The following NR6A1 variants were observed in gnomAD, a reference collection of about 807,000 sequenced individuals.
The protein encoded by NR6A1 is nuclear receptor subfamily 6 group A member 1, also known as retinoic acid receptor-related testis-associated receptor.
NR6A1 carries 7 observed loss-of-function variants against 59.1 expected under a neutral mutation model. The observed-to-expected ratio is 0.12, with a 90% CI of 0.07 to 0.22. NR6A1 has a LOEUF of 0.22. Among genes scored for constraint, NR6A1 ranks in the 10% least tolerant of loss-of-function variants. The pLI is 1.00. For missense variants in NR6A1, 468 were observed against 611.6 expected (o/e 0.77, Z 2.48); for synonymous variants, 243 against 236.1 (o/e 1.03, Z -0.27).
intron 2 of NR6A1, among the ~76,000 whole-genome samples, chr9:124,613,740 T>G (rs939278895): frequency 1.3e-5 from 2 of 152,206 alleles, no homozygotes; most frequent in African/African-American, 4.8e-5. Flanking sequence ...GGATGGCTAA[T>G]AAATCTGTAT....
rs1386108574 is a variant in NR6A1 at position 124,519,371 on chromosome 9, A to G, written c.*3334T>C. 1 of 152,202 alleles carries G rather than the reference A, an allele frequency of 6.6e-6. No individual in the cohort carries two copies. The highest frequency in any genetic ancestry group is 1.5e-5 in the Non-Finnish European group (1 of 68,040). The allele number at this position is 152,202 out of a possible 1,614,324, so 9.4% of individuals were successfully genotyped here. Reference sequence around the variant, plus strand: ...AGCCAGGTTGAGCGCTTTGAGACAGATTCTGGGGAATTTCTCCAGATTAAC... The same window carrying G: ...AGCCAGGTTGAGCGCTTTGAGACAGGTTCTGGGGAATTTCTCCAGATTAAC... On this transcript the variant is annotated 3_prime_UTR_variant, in exon 10 of 10. Coordinates refer to ENST00000487099, the MANE Select transcript of NR6A1 (RefSeq NM_033334.4).
chr9:124,731,107 C>A (rs529632534), intron 2 of NR6A1, among the ~76,000 whole-genome samples: 43 of 152,162 alleles, frequency 2.8e-4, no homozygotes, highest in African/African-American at 1.0e-3. Flanking sequence ...TGCAGTGGTT[C>A]ACGCCTGTAA....
chr9:124,637,534 G>A (rs369152446), intron 2 of NR6A1, among the ~76,000 whole-genome samples: 280 of 152,250 alleles, frequency 1.8e-3, no homozygotes, highest in African/African-American at 5.9e-3. Flanking sequence ...AAAGACTCAA[G>A]AGAGGTTAGG....
intron 2 of NR6A1, among the ~76,000 whole-genome samples, chr9:124,611,591 G>GA (rs1301317722): frequency 1.3e-5 from 2 of 151,510 alleles, no homozygotes; most frequent in Admixed American, 6.6e-5. Context: ...AAAATTAAAA[G>GA]AAAAAAAATC....
intron 2 of NR6A1, among the ~76,000 whole-genome samples, chr9:124,679,901 A>AG (rs1455176045): frequency 1.6e-4 from 24 of 149,584 alleles, no homozygotes; most frequent in Non-Finnish European, 2.7e-4. Flanking sequence ...CATCTCAAAG[A>AG]GAAAAAAAAA....
At position 124,590,436 on chromosome 9, in the gene NR6A1, A is replaced by G. The variant is rs114293837; in HGVS notation, c.143-35866T>C. ...CCACTGCTAGCTCATCTTCTCCCCC[A>G]GTCACTCTCAAAAGCTCCACTTTTT... On this transcript the variant is annotated intron_variant, in intron 2 of 9. Transcript: ENST00000487099. 4.8e-3 allele frequency among the ~76,000 whole-genome samples: 737 copies of G among 152,256 alleles called. 2 individuals carry two copies. Among genetic ancestry groups the G allele is most frequent in the Middle Eastern group, 0.027 (8 of 294 alleles).
chr9:124,759,544 AGCAAAAG>A (rs752408744), intron 1 of NR6A1, among the ~76,000 whole-genome samples: 1 of 152,222 alleles, frequency 6.6e-6, no homozygotes, highest in Non-Finnish European at 1.5e-5. Flanking sequence ...CTCTGAGATA[AGCAAAAG>A]GCTCATATTC....
intron 2 of NR6A1, among the ~76,000 whole-genome samples, chr9:124,668,898 A>G (rs1273660703): frequency 6.6e-6 from 1 of 152,190 alleles, no homozygotes; most frequent in East Asian, 1.9e-4. Context: ...CTACCCAAAT[A>G]TAATACAGTT....
intron 1 of NR6A1, among the ~76,000 whole-genome samples, chr9:124,750,513 C>G (rs998502807): frequency 4.6e-5 from 7 of 152,174 alleles, no homozygotes; most frequent in African/African-American, 1.7e-4. Flanking sequence ...GTAATCCCAG[C>G]CCTTTGGGAG....
intron 2 of NR6A1, among the ~76,000 whole-genome samples, chr9:124,566,557 A>G (rs1362046080): frequency 6.6e-6 from 1 of 152,208 alleles, no homozygotes; most frequent in African/African-American, 2.4e-5. Flanking sequence ...TGGGAGATAC[A>G]TCTTGAAAAC....
intron 2 of NR6A1, among the ~76,000 whole-genome samples, chr9:124,686,652 C>T (rs1462347899): frequency 6.6e-6 from 1 of 151,536 alleles, no homozygotes; most frequent in African/African-American, 2.4e-5. Context: ...ACCTCAAACA[C>T]GTGAAGTCAC....
intron 2 of NR6A1, among the ~76,000 whole-genome samples, chr9:124,683,736 T>C (rs1406549540): frequency 6.6e-6 from 1 of 152,228 alleles, no homozygotes; most frequent in Non-Finnish European, 1.5e-5. Flanking sequence ...GAGGTTGCAG[T>C]GAGCCAAGAT....
intron 2 of NR6A1, among the ~76,000 whole-genome samples, chr9:124,691,036 T>A (rs901510876): frequency 1.2e-4 from 18 of 151,514 alleles, no homozygotes; most frequent in Non-Finnish European, 2.4e-4. Flanking sequence ...AAAATCAGTA[T>A]TTTTTTTAAA....
intron 1 of NR6A1, among the ~76,000 whole-genome samples, chr9:124,765,231 T>G (rs1840897319): frequency 6.6e-6 from 1 of 152,210 alleles, no homozygotes; most frequent in Non-Finnish European, 1.5e-5. Flanking sequence ...TGAAAACTAC[T>G]CCATTGCATA....
intron 2 of NR6A1, among the ~76,000 whole-genome samples, chr9:124,555,597 C>G (rs145812951): frequency 7.2e-5 from 11 of 152,156 alleles, no homozygotes; most frequent in African/African-American, 2.7e-4. Context: ...GCCTGAGCGA[C>G]GGCAAGACCA....
At chr9:124,671,538 ATATAAGAAGTAT>A (rs1017179649) in intron 2 of NR6A1, among the ~76,000 whole-genome samples, 5 of 152,230 alleles carry the variant, frequency 3.3e-5, no homozygotes, top group Non-Finnish European at 5.9e-5. Flanking sequence ...AATAACTCAA[ATATAAGAAGTAT>A]TATAGAATAA....
intron 2 of NR6A1, among the ~76,000 whole-genome samples, chr9:124,652,661 C>T (rs1048280034): frequency 6.6e-6 from 1 of 152,104 alleles, no homozygotes; most frequent in Non-Finnish European, 1.5e-5. Flanking sequence ...TCAGAAATGC[C>T]AGGGCTGGAG....
At position 124,769,772 on chromosome 9, in the gene NR6A1, G is replaced by A. The variant is rs530616348; in HGVS notation, c.100+1248C>T. On this transcript the variant is annotated intron_variant, in intron 1 of 9. Transcript: ENST00000487099. ...GGCAAATAAATAAATCGGGTTTGCC[G>A]CCGGAGCGTTTGCCGGCCGGTGCGA... Among the ~76,000 whole-genome samples, 574 of 152,330 alleles carry A rather than the reference G, an allele frequency of 3.8e-3. 2 individuals are homozygous for A. Among genetic ancestry groups the A allele is most frequent in the Non-Finnish European group, 5.6e-3 (382 of 68,042 alleles).
intron 1 of NR6A1, among the ~76,000 whole-genome samples, chr9:124,738,357 T>C (rs1564261202): frequency 6.6e-6 from 1 of 152,036 alleles, no homozygotes; most frequent in Non-Finnish European, 1.5e-5. Context: ...ATTAAACAGA[T>C]CAGGAAATTT....
Sources: gnomAD v4.1 joint callset for allele counts (sites outside exome capture counted in the v4.1 genomes callset) on GRCh38, gnomAD v4.1.1 for gene constraint, MANE v1.5 for transcripts, NCBI Gene and HGNC (gene_info 2026-07-23, HGNC 2026-07-21) for gene names.